Variants in SPARCL1 observed in about 807,000 individuals in gnomAD.
SPARCL1 encodes SPARC-like protein 1.
In SPARCL1, 52 loss-of-function variants were observed where a neutral mutation model predicts 67.1. The ratio of observed to expected loss-of-function variants is 0.78; its 90% CI spans 0.62 to 0.98. SPARCL1 has a LOEUF of 0.98. Among genes scored for constraint, SPARCL1 ranks in the 50% least tolerant of loss-of-function variants. The pLI, the probability that SPARCL1 is intolerant of heterozygous loss-of-function variation, is 0.00. For synonymous variants in SPARCL1, 226 were observed against 267.8 expected, an observed-to-expected ratio of 0.84 and a Z score of 1.52; for missense variants, 717 against 782.4, an observed-to-expected ratio of 0.92 and a Z score of 1.00.
At chr4:87,493,533 A>T in intron 4 of SPARCL1, 49 bp downstream of exon 4, 1 of 1,520,574 alleles carries the variant, frequency 6.6e-7, no homozygotes, top group South Asian at 1.3e-5. Context: ...ATGACTGTTT[A>T]TTGATAATGC....
chr4:87,506,782 C>T (rs1357241882), intron 1 of SPARCL1, among the ~76,000 whole-genome samples: 2 of 93,744 alleles, frequency 2.1e-5, no homozygotes, highest in Non-Finnish European at 4.2e-5. Flanking sequence ...ATCTATCTAT[C>T]ATCTATCTAT....
intron 1 of SPARCL1, among the ~76,000 whole-genome samples, chr4:87,505,789 C>T (rs1275715420): frequency 6.7e-6 from 1 of 149,354 alleles, no homozygotes; most frequent in African/African-American, 2.5e-5. Context: ...AAACTTCTGG[C>T]TTCAAGCATT....
chr4:87,480,572 C>A (rs776147918), intron 8 of SPARCL1, 52 bp from the exon 9 acceptor site: 1 of 1,502,088 alleles, frequency 6.7e-7, no homozygotes, highest in Non-Finnish European at 8.8e-7. Context: ...ATGTAATGGA[C>A]TTGTCACTTG....
intron 1 of SPARCL1, among the ~76,000 whole-genome samples, chr4:87,516,887 G>A (rs553492229): frequency 3.3e-5 from 5 of 152,012 alleles, no homozygotes; most frequent in South Asian, 4.2e-4. Context: ...AGAGTTTCTC[G>A]TCTTATCATA....
At chr4:87,512,435 C>A (rs1424830424) in intron 1 of SPARCL1, among the ~76,000 whole-genome samples, 1 of 152,070 alleles carries the variant, frequency 6.6e-6, no homozygotes, top group Non-Finnish European at 1.5e-5. Context: ...TTTGCTTTGA[C>A]CAATGTGACA....
intron 1 of SPARCL1, among the ~76,000 whole-genome samples, chr4:87,500,783 TACGCGCGC>T (rs1560822085): frequency 1.9e-5 from 2 of 104,860 alleles, no homozygotes; most frequent in African/African-American, 1.0e-4. Context: ...CACACACACG[TACGCGCGC>T]ACGCACATAC....
chr4:87,510,696 C>G (rs921601776), intron 1 of SPARCL1, among the ~76,000 whole-genome samples: 5 of 152,234 alleles, frequency 3.3e-5, no homozygotes, highest in Admixed American at 6.5e-5. Flanking sequence ...GACCTCATTC[C>G]TCTTGGGCAC....
intron 1 of SPARCL1, among the ~76,000 whole-genome samples, chr4:87,526,254 C>T (rs1726037567): frequency 6.6e-6 from 1 of 152,174 alleles, no homozygotes; most frequent in South Asian, 2.1e-4. Context: ...GTTGAGGCCC[C>T]CCACCAGGGG....
intron 2 of SPARCL1, among the ~76,000 whole-genome samples, 159 bp downstream of exon 2, chr4:87,499,362 G>A (rs1724753382): frequency 6.6e-6 from 1 of 151,922 alleles, no homozygotes; most frequent in Non-Finnish European, 1.5e-5. Context: ...CTTATCTTGA[G>A]TTTTCCAGTT....
At chr4:87,494,933 C>T (rs1420448476) in intron 3 of SPARCL1, 48 bp downstream of exon 3, 1 of 1,503,992 alleles carries the variant, frequency 6.6e-7, no homozygotes, top group Non-Finnish European at 9.0e-7. Flanking sequence ...AAACTAAGAC[C>T]TTTGGAGAAT....
chr4:87,480,806 A>G (rs573452374), intron 8 of SPARCL1, among the ~76,000 whole-genome samples: 1 of 149,302 alleles, frequency 6.7e-6, no homozygotes, highest in African/African-American at 2.5e-5. Flanking sequence ...CTTTTAACCA[A>G]GTAATGTTCG....
intron 2 of SPARCL1, among the ~76,000 whole-genome samples, chr4:87,499,114 G>A (rs1438565712): frequency 2.0e-5 from 3 of 152,144 alleles, no homozygotes; most frequent in African/African-American, 7.2e-5. Context: ...GACCTCAGGT[G>A]ATCCGCCCAT....
At chr4:87,510,629 C>T (rs895199055) in intron 1 of SPARCL1, among the ~76,000 whole-genome samples, 1 of 152,076 alleles carries the variant, frequency 6.6e-6, no homozygotes, top group South Asian at 2.1e-4. Context: ...CTGAGAGCCG[C>T]TTTCGTCACT....
chr4:87,497,265 A>C (rs1724656493), intron 2 of SPARCL1: 2 of 977,064 alleles, frequency 2.0e-6, no homozygotes, highest in Non-Finnish European at 2.4e-6. Flanking sequence ...AATTTGAAAA[A>C]GTTTATAAAG....
chr4:87,505,713 C>A (rs1193822624), intron 1 of SPARCL1, among the ~76,000 whole-genome samples: 1 of 146,088 alleles, frequency 6.8e-6, no homozygotes, highest in Non-Finnish European at 1.5e-5. Flanking sequence ...AACTATTATG[C>A]TCAGCTAATT....
rs927883426 is a variant in SPARCL1, at chr4:87,529,316, C to G, written c.-283G>C. 2.0e-5 allele frequency: 3 copies of G among 152,254 alleles called. No individual in the cohort carries two copies. In the South Asian group the frequency reaches 6.2e-4, roughly 32 times the overall value. The allele number at this position is 152,254 out of a possible 1,614,324, so 9.4% of individuals were successfully genotyped here. On this transcript the variant is annotated 5_prime_UTR_variant, in exon 1 of 11. Transcript: ENST00000282470. The stretch of plus-strand genomic sequence containing the variant: ...TTTCAGACTGTCATCGTTTTTGTTG[C>G]AGATTCCTGGATTTCCCTAGCAGGC...
chr4:87,520,383 T>C (rs1725761811), intron 1 of SPARCL1, among the ~76,000 whole-genome samples: 1 of 151,876 alleles, frequency 6.6e-6, no homozygotes, highest in Non-Finnish European at 1.5e-5. Context: ...AAAAAAAGTG[T>C]GTGGGAGGGA....
At chr4:87,492,991 C>T (rs529116133) in intron 4 of SPARCL1, among the ~76,000 whole-genome samples, 2 of 152,250 alleles carry the variant, frequency 1.3e-5, no homozygotes, top group African/African-American at 4.8e-5. Context: ...TGATTCAACT[C>T]GAAAACAATA....
intron 10 of SPARCL1, among the ~76,000 whole-genome samples, chr4:87,476,921 G>GT (rs1299386025): frequency 1.3e-5 from 2 of 152,174 alleles, no homozygotes; most frequent in Middle Eastern, 3.2e-3. Context: ...AAATAAATTT[G>GT]TTTTTCTTTA....
Sources: gnomAD v4.1 joint callset for allele counts (sites outside exome capture counted in the v4.1 genomes callset) on GRCh38, gnomAD v4.1.1 for gene constraint, MANE v1.5 for transcripts, NCBI Gene and HGNC (gene_info 2026-07-23, HGNC 2026-07-21) for gene names.